Variants in SSBP2 observed in about 807,000 individuals in gnomAD.
The protein encoded by SSBP2 is single stranded DNA binding protein 2.
In SSBP2, 17 loss-of-function variants were observed where a neutral mutation model predicts 61.8. That is an observed-to-expected ratio of 0.28 (90% CI 0.19 to 0.41). SSBP2 has a LOEUF of 0.41. Among genes scored for constraint, SSBP2 ranks in the 10% least tolerant of loss-of-function variants. The probability of loss-of-function intolerance (pLI) is 1.00; values close to 1 mark genes in which losing one functional copy is unlikely to be tolerated. For synonymous variants in SSBP2, 139 were observed against 141.3 expected (o/e 0.98, Z 0.12); for missense variants, 310 against 458.7 (o/e 0.68, Z 2.96).
chr5:81,560,924 C>T (rs1276674221), intron 4 of SSBP2, among the ~76,000 whole-genome samples: 1 of 152,046 alleles, frequency 6.6e-6, no homozygotes, highest in African/African-American at 2.4e-5. Context: ...TAATTATAGT[C>T]ATGTTTAAGC....
intron 15 of SSBP2, among the ~76,000 whole-genome samples, 185 bp downstream of exon 15, chr5:81,437,245 C>T (rs575346993): frequency 2.6e-5 from 4 of 152,136 alleles, no homozygotes; most frequent in Admixed American, 2.6e-4. Flanking sequence ...TCTTAAAAGA[C>T]TTATTTTACC....
intron 1 of SSBP2, among the ~76,000 whole-genome samples, chr5:81,673,346 C>T (rs1486072282): frequency 6.6e-6 from 1 of 152,052 alleles, no homozygotes; most frequent in African/African-American, 2.4e-5. Context: ...TATTTATATT[C>T]CTGAATTAGG....
chr5:81,577,126 T>C (rs189534409), intron 4 of SSBP2, among the ~76,000 whole-genome samples: 1 of 152,218 alleles, frequency 6.6e-6, no homozygotes, highest in Admixed American at 6.5e-5. Flanking sequence ...TTTACATGTA[T>C]AGGTTATATG....
chr5:81,721,117 A>T (rs1357447982), intron 1 of SSBP2, among the ~76,000 whole-genome samples: 1 of 152,168 alleles, frequency 6.6e-6, no homozygotes, highest in Non-Finnish European at 1.5e-5. Context: ...AGGAAACCTA[A>T]AATCTGTCAA....
chr5:81,699,027 A>G (rs569601599), intron 1 of SSBP2, among the ~76,000 whole-genome samples: 7 of 152,252 alleles, frequency 4.6e-5, no homozygotes, highest in Non-Finnish European at 1.0e-4. Context: ...TGAATTTTTT[A>G]GCTTCACAAC....
chr5:81,475,606 TTTCA>T (rs1765532880), intron 6 of SSBP2, among the ~76,000 whole-genome samples: 1 of 152,100 alleles, frequency 6.6e-6, no homozygotes, highest in Admixed American at 6.5e-5. Flanking sequence ...ATCAAACTTC[TTTCA>T]GTTTTTTTTC....
At chr5:81,452,521 T>C (rs900495883) in intron 10 of SSBP2, among the ~76,000 whole-genome samples, 3 of 152,158 alleles carry the variant, frequency 2.0e-5, no homozygotes, top group African/African-American at 7.2e-5. Flanking sequence ...CAAGAGATGA[T>C]AAAGAGTGAT....
intron 3 of SSBP2, among the ~76,000 whole-genome samples, chr5:81,635,245 G>T (rs1287581377): frequency 2.0e-5 from 3 of 151,776 alleles, no homozygotes; most frequent in African/African-American, 4.8e-5. Context: ...CATTTGATTA[G>T]TTCAGTATCT....
At chr5:81,722,581 T>A (rs1168424191) in intron 1 of SSBP2, among the ~76,000 whole-genome samples, 1 of 151,936 alleles carries the variant, frequency 6.6e-6, no homozygotes, top group African/African-American at 2.4e-5. Context: ...ATGAAGATCC[T>A]AAGATTATTG....
At chr5:81,541,080 A>G (rs1354066595) in intron 4 of SSBP2, among the ~76,000 whole-genome samples, 2 of 152,188 alleles carry the variant, frequency 1.3e-5, no homozygotes, top group Non-Finnish European at 2.9e-5. Flanking sequence ...CAGGATGTCA[A>G]TTCAATGGAA....
chr5:81,622,887 A>C (rs1419876528), intron 3 of SSBP2, among the ~76,000 whole-genome samples: 1 of 152,234 alleles, frequency 6.6e-6, no homozygotes, highest in East Asian at 1.9e-4. Flanking sequence ...AAAAACGTGA[A>C]AAACTGCGTA....
chr5:81,654,943 C>A (rs1311468426), intron 1 of SSBP2, among the ~76,000 whole-genome samples: 1 of 151,546 alleles, frequency 6.6e-6, no homozygotes, highest in Admixed American at 6.6e-5. Flanking sequence ...TTGAGACCAG[C>A]CTGGGCAACA....
chr5:81,651,044 AT>A (rs1267703044), intron 1 of SSBP2, among the ~76,000 whole-genome samples: 5 of 152,144 alleles, frequency 3.3e-5, no homozygotes, highest in Non-Finnish European at 7.4e-5. Flanking sequence ...AACTACTCTC[AT>A]TATCTTGTGG....
chr5:81,626,820 G>C (rs548945663), intron 3 of SSBP2, among the ~76,000 whole-genome samples: 2 of 152,172 alleles, frequency 1.3e-5, no homozygotes, highest in Non-Finnish European at 2.9e-5. Flanking sequence ...AATGGGAAAT[G>C]TAATTAATGA....
intron 1 of SSBP2, among the ~76,000 whole-genome samples, chr5:81,652,845 C>T (rs553303212): frequency 6.6e-6 from 1 of 151,620 alleles, no homozygotes; most frequent in African/African-American, 2.4e-5. Flanking sequence ...TTTGGTGCAC[C>T]CATCACCCGA....
chr5:81,539,750 A>AT (rs768235678), intron 4 of SSBP2, among the ~76,000 whole-genome samples: 1 of 152,052 alleles, frequency 6.6e-6, no homozygotes, highest in African/African-American at 2.4e-5. Flanking sequence ...CTTAGCAATA[A>AT]TTTTTTTATT....
At chr5:81,572,597 T>C in intron 4 of SSBP2, among the ~76,000 whole-genome samples, 1 of 152,140 alleles carries the variant, frequency 6.6e-6, no homozygotes, top group East Asian at 1.9e-4. Context: ...AGTTAATGTG[T>C]TTTGGAACTG....
chr5:81,595,941 G>A (rs1743698077), intron 4 of SSBP2, among the ~76,000 whole-genome samples: 1 of 152,096 alleles, frequency 6.6e-6, no homozygotes, highest in South Asian at 2.1e-4. Context: ...TTTGAAAACT[G>A]GCACAAGACA....
At chr5:81,657,853 G>A (rs1750357291) in intron 1 of SSBP2, among the ~76,000 whole-genome samples, 1 of 152,002 alleles carries the variant, frequency 6.6e-6, no homozygotes, top group Non-Finnish European at 1.5e-5. Context: ...AGGGAAGGAG[G>A]ATTTAGCTAT....
Sources: allele counts gnomAD v4.1 joint callset (sites outside exome capture counted in the v4.1 genomes callset), GRCh38; gene constraint gnomAD v4.1.1; transcripts MANE v1.5; gene names NCBI Gene and HGNC (gene_info 2026-07-23, HGNC 2026-07-21).